Variants in RAVER2 observed in about 807,000 individuals in gnomAD.
RAVER2 encodes ribonucleoprotein, PTB binding 2.
In RAVER2, 46 loss-of-function variants were observed where a neutral mutation model predicts 78.1. That is an observed-to-expected ratio of 0.59 (90% CI 0.46 to 0.75). The LOEUF is 0.75. Among genes scored for constraint, RAVER2 ranks in the 30% least tolerant of loss-of-function variants. The pLI is 0.00. For missense variants in RAVER2, 793 were observed against 837.5 expected, an observed-to-expected ratio of 0.95 and a Z score of 0.66; for synonymous variants, 311 against 313.3, an observed-to-expected ratio of 0.99 and a Z score of 0.08.
chr1:64,745,180 C>G lies in RAVER2; in HGVS notation c.8C>G (p.Ala3Gly), dbSNP rs1651486378. 3.9e-6 allele frequency: 4 copies of G among 1,017,818 alleles called. No homozygotes were observed. The highest frequency in any genetic ancestry group is 4.7e-6 in the Non-Finnish European group (4 of 853,016). The allele number at this position is 1,017,818 out of a possible 1,614,324, so 63.0% of individuals were successfully genotyped here. Residue 3 changes from alanine (A) to glycine (G), a missense_variant, in exon 1 of 12, where the codon GCG becomes GGG. Coordinates refer to ENST00000294428, the Ensembl canonical transcript of RAVER2. This position sits in a 1 kb window ranked among gnomAD's most constrained non-coding sequence, Gnocchi z 4.3. ...CGCTGGGCGCCCGGGAAGATGGCGGCGGCGGCGGGAGACGGCGGCGGCGAG... is the reference window on the plus strand; with the variant it reads ...CGCTGGGCGCCCGGGAAGATGGCGGGGGCGGCGGGAGACGGCGGCGGCGAG...
intron 1 of RAVER2, among the ~76,000 whole-genome samples, chr1:64,763,478 A>C (rs1652081118): frequency 6.6e-6 from 1 of 152,178 alleles, no homozygotes. Flanking sequence ...TTCCCACCAG[A>C]ATGGCCAAAA....
intron 5 of RAVER2, among the ~76,000 whole-genome samples, chr1:64,799,782 C>T (rs1653207932): frequency 6.6e-6 from 1 of 152,144 alleles, no homozygotes; most frequent in Non-Finnish European, 1.5e-5. Context: ...TAGTGGATTG[C>T]TGGATCCATA....
intron 3 of RAVER2, 117 bp downstream of exon 3, chr1:64,778,209 G>A: frequency 1.2e-6 from 1 of 840,468 alleles, no homozygotes; most frequent in Non-Finnish European, 1.8e-6. Flanking sequence ...ATTTAATTCT[G>A]CATCATTCTG....
intron 4 of RAVER2, among the ~76,000 whole-genome samples, chr1:64,784,479 T>C (rs1652724532): frequency 6.6e-6 from 1 of 152,140 alleles, no homozygotes; most frequent in African/African-American, 2.4e-5. Context: ...CTAACTTATT[T>C]TTTCCCCCTA....
intron 4 of RAVER2, among the ~76,000 whole-genome samples, chr1:64,781,866 A>C (rs1375418271): frequency 1.3e-5 from 2 of 152,004 alleles, no homozygotes; most frequent in African/African-American, 4.8e-5. Context: ...TTGTGTTATA[A>C]ATTTTGAGTG....
At chr1:64,803,174 A>T in intron 6 of RAVER2, 113 bp downstream of exon 6, 2 of 741,796 alleles carry the variant, frequency 2.7e-6, no homozygotes, top group Non-Finnish European at 4.4e-6. Context: ...TTTTAAAGAA[A>T]ATCTTTAATA....
At chr1:64,831,540 AAG>A (rs1483218138) in exon 12 of RAVER2, 2 of 152,268 alleles carry the variant, frequency 1.3e-5, no homozygotes, top group Non-Finnish European at 2.9e-5. Context: ...TAAACCCGGT[AAG>A]AGAGTGACAG....
rs1314272623 is a variant in RAVER2 at position 64,807,553 on chromosome 1, T to A, written c.1680+79T>A. ...ATTCCTTTTAAATTATGTCTTAAAT[T>A]GTCGTGTCAATGAAATGATGACTTT... On this transcript the variant is annotated intron_variant, in intron 9 of 11. Coordinates refer to ENST00000294428, the Ensembl canonical transcript of RAVER2. The A allele has an allele frequency of 2.3e-6, 3 of 1,328,908 alleles. No homozygotes were observed. The African/African-American group carries it at 4.4e-5, about 20-fold the overall frequency. 82.3% of individuals were successfully genotyped at this position (1,328,908 alleles called of 1,614,324 possible).
intron 10 of RAVER2, among the ~76,000 whole-genome samples, chr1:64,814,230 G>A (rs1365479417): frequency 6.6e-6 from 1 of 152,068 alleles, no homozygotes; most frequent in Non-Finnish European, 1.5e-5. Context: ...AAGTAGCTGG[G>A]ATTACAGTCA....
intron 9 of RAVER2, among the ~76,000 whole-genome samples, chr1:64,811,619 G>A (rs1393492359): frequency 6.6e-6 from 1 of 152,190 alleles, no homozygotes; most frequent in African/African-American, 2.4e-5. Flanking sequence ...TACTGTAAAT[G>A]TGTTTTCCTT....
chr1:64,829,644 A>AG lies in RAVER2; in HGVS notation c.1930-1193dup, dbSNP rs538266791. ...GCTTTGACAACTATCAACTTACGGC[A>AG]GGTCTCCTTTCATCTACCCTCTCAC... On this transcript the variant is annotated intron_variant, in intron 11 of 11. Coordinates refer to ENST00000294428, the Ensembl canonical transcript of RAVER2. Among the ~76,000 whole-genome samples, 226 of 152,306 alleles carry AG rather than the reference A, an allele frequency of 1.5e-3. 1 individual carries two copies. In the Middle Eastern group the frequency reaches 0.017, roughly 11 times the overall value.
chr1:64,777,995 C>G, exon 3 of RAVER2: 1 of 1,614,092 alleles, frequency 6.2e-7, no homozygotes. Flanking sequence ...CTCATTCATT[C>G]TAAGTGCCTT....
chr1:64,832,820 C>T (rs1654197758), exon 12 of RAVER2: 1 of 152,212 alleles, frequency 6.6e-6, no homozygotes, highest in Non-Finnish European at 1.5e-5. Context: ...CTGCACTTCT[C>T]TTTCCCATTT....
chr1:64,785,456 G>A (rs990392454), intron 4 of RAVER2, among the ~76,000 whole-genome samples: 4 of 147,492 alleles, frequency 2.7e-5, no homozygotes, highest in African/African-American at 5.0e-5. Context: ...TGCAACCTCC[G>A]CCTGCCGGGT....
intron 5 of RAVER2, among the ~76,000 whole-genome samples, chr1:64,794,194 A>G (rs1423043360): frequency 6.6e-6 from 1 of 151,772 alleles, no homozygotes; most frequent in Non-Finnish European, 1.5e-5. Flanking sequence ...GCGGATCACG[A>G]GGTCAAGAGA....
At chr1:64,805,558 G>A (rs1237502511) in intron 8 of RAVER2, among the ~76,000 whole-genome samples, 1 of 152,150 alleles carries the variant, frequency 6.6e-6, no homozygotes, top group Non-Finnish European at 1.5e-5. Flanking sequence ...AAACTAATGT[G>A]TGTACTATGT....
chr1:64,831,469 G>C (rs1310271325), exon 12 of RAVER2: 1 of 152,458 alleles, frequency 6.6e-6, no homozygotes, highest in Non-Finnish European at 1.5e-5. Flanking sequence ...TGTGCTGATG[G>C]TAATATTATA....
intron 11 of RAVER2, among the ~76,000 whole-genome samples, chr1:64,816,867 C>A (rs1050742413): frequency 9.2e-5 from 14 of 152,158 alleles, no homozygotes; most frequent in Middle Eastern, 3.2e-3. Flanking sequence ...GTCTAAAACA[C>A]CAAAACCAAT....
At chr1:64,800,025 A>AT (rs1653214332) in intron 5 of RAVER2, among the ~76,000 whole-genome samples, 1 of 151,102 alleles carries the variant, frequency 6.6e-6, no homozygotes. Flanking sequence ...GATGTTGAAC[A>AT]TTTTTTCATA....
Sources: allele counts gnomAD v4.1 joint callset (sites outside exome capture counted in the v4.1 genomes callset), GRCh38; gene constraint gnomAD v4.1.1; non-coding constraint Gnocchi (gnomAD v3.1); transcripts MANE v1.5; gene names NCBI Gene and HGNC (gene_info 2026-07-23, HGNC 2026-07-21).